NCR2: variants seen among roughly 807,000 people sequenced by gnomAD.
NCR2 encodes the protein natural cytotoxicity triggering receptor 2.
In NCR2, 35 loss-of-function variants were observed where a neutral mutation model predicts 30.7. The observed-to-expected ratio is 1.14, with a 90% CI of 0.87 to 1.51. The LOEUF (loss-of-function observed/expected upper bound fraction) is 1.51. NCR2 is among the 40% of genes most tolerant of loss of function. The probability of loss-of-function intolerance (pLI) is 0.00; values close to 1 mark genes in which losing one functional copy is unlikely to be tolerated. For missense variants in NCR2, 316 were observed against 328.9 expected, an observed-to-expected ratio of 0.96 and a Z score of 0.30; for synonymous variants, 146 against 134.8, an observed-to-expected ratio of 1.08 and a Z score of -0.58.
intron 4 of NCR2, 37 bp downstream of exon 4, chr6:41,342,186 A>G (rs1769192030): frequency 6.2e-7 from 1 of 1,607,008 alleles, no homozygotes; most frequent in African/African-American, 1.3e-5. Context: ...GGAAAATGGA[A>G]CAGGGAACAG....
In NCR2 at chr6:41,350,797, G is replaced by C; in HGVS notation, c.764G>C (p.Arg255Thr). ...PWTSVSSPVE[R>T]EILYHTVART... is the part of the protein sequence containing the mutation. ...ACCTCAGTTTCCTCACCTGTAGAGA[G>C]AGAAATATTATATCACACTGTTGCA... is the stretch of plus-strand genomic sequence containing the variant. The change falls in exon 5 of 5, where the codon AGA (arginine) becomes ACA (threonine). Residue 255 changes from arginine (R) to threonine (T), a missense_variant. Transcript: ENST00000373089. 5 of 1,323,034 alleles carry C rather than the reference G, an allele frequency of 3.8e-6. No individual in the cohort carries two copies. Among genetic ancestry groups the C allele is most frequent in the Non-Finnish European group, 5.5e-6 (5 of 914,346 alleles). 82.0% of individuals were successfully genotyped at this position (1,323,034 alleles called of 1,614,324 possible).
intron 4 of NCR2, among the ~76,000 whole-genome samples, chr6:41,344,390 C>A (rs1769249790): frequency 1.3e-5 from 2 of 152,210 alleles, no homozygotes; most frequent in African/African-American, 4.8e-5. Flanking sequence ...AGGCCTGTCA[C>A]CCCCACAGTG....
rs180750063 is a variant in NCR2 at position 41,336,372 on chromosome 6, G to A, written c.338G>A (p.Arg113His). Reference protein sequence around the residue: ...DSGHYWCRIYRPSDNSVSKSV... With the variant: ...DSGHYWCRIYHPSDNSVSKSV... ...GGACATTACTGGTGTAGAATCTACC[G>A]CCCTTCTGACAACTCTGTCTCTAAG... The change falls in exon 2 of 5, where the codon CGC becomes CAC. Residue 113 changes from arginine (R) to histidine (H), a missense_variant. Arg to His is a conservative substitution (Grantham distance 29). Coordinates refer to ENST00000373089, the MANE Select transcript of NCR2 (RefSeq NM_004828.4). 40 of 1,613,928 alleles carry A rather than the reference G, an allele frequency of 2.5e-5. No homozygotes were observed. Among genetic ancestry groups the A allele is most frequent in the East Asian group, 2.0e-4 (9 of 44,872 alleles).
intron 4 of NCR2, among the ~76,000 whole-genome samples, chr6:41,349,373 G>A (rs892579246): frequency 1.3e-5 from 2 of 152,086 alleles, no homozygotes; most frequent in Non-Finnish European, 2.9e-5. Context: ...AGTGATAGGA[G>A]TGTCTAACAC....
intron 4 of NCR2, among the ~76,000 whole-genome samples, chr6:41,350,331 A>G: frequency 6.6e-6 from 1 of 152,184 alleles, no homozygotes; most frequent in East Asian, 1.9e-4. Flanking sequence ...CACAGCAGAG[A>G]CCATCTGCCT....
chr6:41,342,205 C>A, intron 4 of NCR2, 56 bp downstream of exon 4: 1 of 1,599,252 alleles, frequency 6.3e-7, no homozygotes, highest in Non-Finnish European at 8.5e-7. Context: ...AGCTTCTGCC[C>A]AGGATAGAGG....
chr6:41,341,186 C>G (rs72863537), intron 2 of NCR2, among the ~76,000 whole-genome samples: 23 of 152,298 alleles, frequency 1.5e-4, no homozygotes, highest in Non-Finnish European at 2.6e-4. Flanking sequence ...TTTCCAGAGA[C>G]AGCCATTCCC....
intron 4 of NCR2, among the ~76,000 whole-genome samples, chr6:41,348,148 A>G (rs1769347272): frequency 6.6e-6 from 1 of 152,052 alleles, no homozygotes; most frequent in Non-Finnish European, 1.5e-5. Context: ...GTATTTTAAA[A>G]CCACCACAGT....
chr6:41,337,718 C>G (rs968529318), intron 2 of NCR2, among the ~76,000 whole-genome samples: 5 of 152,176 alleles, frequency 3.3e-5, no homozygotes, highest in Non-Finnish European at 7.4e-5. Context: ...GCAATTCCGA[C>G]AAGCTCAACA....
Position 41,341,812 on chromosome 6 carries a change from C to G in NCR2, c.413C>G (p.Thr138Ser), listed in dbSNP as rs767180359. Residue 138 changes from threonine (T) to serine (S), a missense_variant, in exon 3 of 5, where the codon ACC becomes AGC. By Grantham distance (58) the Thr-to-Ser change is moderately conservative. Coordinates refer to ENST00000373089, the MANE Select transcript of NCR2 (RefSeq NM_004828.4). ...VVSPASASTQ[T>S]SWTPRDLVSS... is the part of the protein sequence containing the mutation. ...CTGGCAGCCTCTGCCTCCACACAGA[C>G]CTCCTGGACTCCCCGCGACCTGGTC... 4 of 1,612,106 alleles carry G rather than the reference C, an allele frequency of 2.5e-6. No homozygotes were observed. The East Asian group carries it at 8.9e-5, about 36-fold the overall frequency.
rs774607940 is a variant in NCR2 at position 41,336,192 on chromosome 6, G to C, written c.158G>C (p.Gly53Ala). ...PPTGSLYEKK[G>A]WCKEASALVC... ...ACGGGCAGTCTCTACGAGAAGAAAGGCTGGTGTAAGGAGGCTTCAGCACTT... is the reference window on the plus strand; with the variant it reads ...ACGGGCAGTCTCTACGAGAAGAAAGCCTGGTGTAAGGAGGCTTCAGCACTT... Residue 53 changes from glycine to alanine, a missense_variant, in exon 2 of 5, where the codon GGC (glycine) becomes GCC (alanine). Gly to Ala is a moderately conservative substitution (Grantham distance 60). Coordinates refer to ENST00000373089, the MANE Select transcript of NCR2 (RefSeq NM_004828.4). 6 of 1,614,174 alleles carry C rather than the reference G, an allele frequency of 3.7e-6. No homozygotes were observed. The highest frequency in any genetic ancestry group is 4.2e-6 in the Non-Finnish European group (5 of 1,180,042).
At position 41,336,160 on chromosome 6, in the gene NCR2, C is replaced by T; in HGVS notation, c.126C>T (p.Tyr42=). 1 of 1,614,166 alleles carries T rather than the reference C, an allele frequency of 6.2e-7. No individual in the cohort carries two copies. The highest frequency in any genetic ancestry group is 8.5e-7 in the Non-Finnish European group (1 of 1,180,048). Residue 42 remains tyrosine, a synonymous_variant, in exon 2 of 5, where the codon TAC becomes TAT. Coordinates refer to ENST00000373089, the MANE Select transcript of NCR2 (RefSeq NM_004828.4). Reference sequence around the variant, plus strand: ...AGACGCTAACCGTGAGATGCCAGTACCCGCCCACGGGCAGTCTCTACGAGA... The same window carrying T: ...AGACGCTAACCGTGAGATGCCAGTATCCGCCCACGGGCAGTCTCTACGAGA... ...AGQTLTVRCQ[Y]PPTGSLYEKK...
chr6:41,347,491 G>A (rs1328396062), intron 4 of NCR2, among the ~76,000 whole-genome samples: 3 of 152,182 alleles, frequency 2.0e-5, no homozygotes, highest in Non-Finnish European at 2.9e-5. Context: ...AACACCTCCA[G>A]TGAGTTGTGC....
intron 4 of NCR2, chr6:41,343,048 G>A: frequency 6.5e-7 from 1 of 1,534,132 alleles, no homozygotes; most frequent in Non-Finnish European, 8.8e-7. Context: ...CTCCAACAAG[G>A]CTGGGCTCCC....
Position 41,350,840 on chromosome 6 carries a change from T to C in NCR2, c.807T>C (p.Asp269=), listed in dbSNP as rs115509322. The change falls in exon 5 of 5, where the codon GAT becomes GAC. Residue 269 remains aspartate, a synonymous_variant. Coordinates refer to ENST00000373089, the MANE Select transcript of NCR2 (RefSeq NM_004828.4). ...CTGTTGCAAGGACTAAGATAAGCGA[T>C]GATGATGATGAACACACTTTGTGAA... The part of the protein sequence containing the change: ...YHTVARTKIS[D]DDDEHTL The C allele has an allele frequency of 4.4e-3, 3,934 of 885,666 alleles. 36 individuals carry two copies. Among genetic ancestry groups the C allele is most frequent in the African/African-American group, 0.025 (1,516 of 60,598 alleles). 54.9% of individuals were successfully genotyped at this position (885,666 alleles called of 1,614,324 possible).
In NCR2 at chr6:41,335,640, T is replaced by TGCCAGACAGCGCCGAGCCC. The variant is rs1768999278; in HGVS notation, c.-236_-218dup. The TGCCAGACAGCGCCGAGCCC allele has an allele frequency of 5.4e-6, 3 of 557,934 alleles. No individual in the cohort carries two copies. The highest frequency in any genetic ancestry group is 9.7e-6 in the Non-Finnish European group (3 of 310,586). 34.6% of individuals were successfully genotyped at this position (557,934 alleles called of 1,614,324 possible). On this transcript the variant is annotated 5_prime_UTR_variant, in exon 1 of 5. Transcript: ENST00000373089. ...TTCTACAGAGGCCTGGGAAGCTGTGTGCCAGACAGCGCCGAGCCCACCAGA... is the reference window on the plus strand; with the variant it reads ...TTCTACAGAGGCCTGGGAAGCTGTGTGCCAGACAGCGCCGAGCCCGCCAGACAGCGCCGAGCCCACCAGA...
intron 2 of NCR2, among the ~76,000 whole-genome samples, chr6:41,339,391 T>C (rs766456400): frequency 3.5e-4 from 52 of 149,968 alleles, no homozygotes; most frequent in Admixed American, 6.7e-4. Context: ...GTTGTTGTTA[T>C]TGTTGTTGTT....
At chr6:41,349,769 G>A (rs1002365619) in intron 4 of NCR2, among the ~76,000 whole-genome samples, 13 of 152,072 alleles carry the variant, frequency 8.5e-5, no homozygotes, top group Non-Finnish European at 1.5e-5. Flanking sequence ...CTTAACAAAG[G>A]ATTTTACAGC....
rs569799455 is a variant in NCR2 at position 41,343,140 on chromosome 6, T to C, written c.644+991T>C. 1.3e-4 allele frequency: 108 copies of C among 857,686 alleles called. 2 individuals are homozygous for C. In the South Asian group the frequency reaches 1.8e-3, roughly 14 times the overall value. 53.1% of individuals were successfully genotyped at this position (857,686 alleles called of 1,614,324 possible). A position where few individuals can be genotyped will look rare whatever the true frequency, so the allele number is the denominator to read the frequency against. ...CTTGATCCAAGGCCTTTAGCCACGC[T>C]CTCCCTGCAGAGCTGCAGAACCCAG... is the stretch of plus-strand genomic sequence containing the variant. On this transcript the variant is annotated intron_variant, in intron 4 of 4. Coordinates refer to ENST00000373089, the MANE Select transcript of NCR2 (RefSeq NM_004828.4).
Sources: allele counts gnomAD v4.1 joint callset (sites outside exome capture counted in the v4.1 genomes callset), GRCh38; gene constraint gnomAD v4.1.1; transcripts MANE v1.5; gene names NCBI Gene and HGNC (gene_info 2026-07-23, HGNC 2026-07-21).